The following PRIM2 variants were observed in gnomAD, a reference collection of about 807,000 sequenced individuals.
The protein encoded by PRIM2 is DNA primase subunit 2.
In PRIM2, 39 loss-of-function variants were observed where a neutral mutation model predicts 67.3. That is an observed-to-expected ratio of 0.58 (90% CI 0.45 to 0.76). The LOEUF is 0.76. Among genes scored for constraint, PRIM2 ranks in the 30% least tolerant of loss-of-function variants. The probability of loss-of-function intolerance (pLI) is 0.00; values close to 1 mark genes in which losing one functional copy is unlikely to be tolerated. For synonymous variants in PRIM2, 143 were observed against 198.7 expected (o/e 0.72, Z 2.36); for missense variants, 398 against 598.7 (o/e 0.66, Z 3.50).
intron 7 of PRIM2, among the ~76,000 whole-genome samples, chr6:57,412,424 T>C (rs1296786723): frequency 6.6e-6 from 1 of 152,150 alleles, no homozygotes; most frequent in Non-Finnish European, 1.5e-5. Flanking sequence ...TAAGCCTCTG[T>C]TTTTATTTAC....
chr6:57,443,422 T>A (rs1237771536), intron 7 of PRIM2, among the ~76,000 whole-genome samples: 2 of 152,192 alleles, frequency 1.3e-5, no homozygotes, highest in Admixed American at 1.3e-4. Flanking sequence ...TAATCCTTCA[T>A]CTTTTTGATA....
chr6:57,304,204 T>A, the PRIM2 span, among the ~76,000 whole-genome samples: 1 of 151,746 alleles, frequency 6.6e-6, no homozygotes, highest in East Asian at 1.9e-4. Context: ...TTTATGAAAC[T>A]TATAAAAATG....
chr6:57,507,519 T>C (rs1396738266), intron 8 of PRIM2, 65 bp downstream of exon 8: 1 of 1,448,724 alleles, frequency 6.9e-7, no homozygotes, highest in Non-Finnish European at 9.2e-7. Flanking sequence ...ATAAAGTATA[T>C]TAAAGTGGTG....
At chr6:57,368,651 G>C (rs1226470800) in intron 5 of PRIM2, among the ~76,000 whole-genome samples, 1 of 152,086 alleles carries the variant, frequency 6.6e-6, no homozygotes, top group Non-Finnish European at 1.5e-5. Context: ...TTGGGGATGG[G>C]TATGGCATGT....
chr6:57,269,144 T>C, the PRIM2 span, among the ~76,000 whole-genome samples: 1 of 152,078 alleles, frequency 6.6e-6, no homozygotes, highest in East Asian at 1.9e-4. Context: ...TTTGGGTATA[T>C]ACCCAGTAAT....
chr6:57,279,279 CT>C, the PRIM2 span, among the ~76,000 whole-genome samples: 1 of 152,096 alleles, frequency 6.6e-6, no homozygotes, highest in Non-Finnish European at 1.5e-5. Flanking sequence ...CTGCTTTTTT[CT>C]TTTTTTAACT....
At chr6:57,435,439 C>A (rs1216592170) in intron 7 of PRIM2, among the ~76,000 whole-genome samples, 1 of 152,176 alleles carries the variant, frequency 6.6e-6, no homozygotes, top group East Asian at 1.9e-4. Flanking sequence ...TTTTAACCCC[C>A]AGCCAAAACT....
chr6:57,344,625 C>T (rs1423825754), intron 5 of PRIM2, among the ~76,000 whole-genome samples: 10 of 152,210 alleles, frequency 6.6e-5, no homozygotes, highest in Admixed American at 6.5e-4. Flanking sequence ...ATTATGGAAG[C>T]CAACCTGGTA....
Position 57,382,153 on chromosome 6 carries a change from G to A in PRIM2, c.678G>A (p.Leu226=). 1 of 1,613,060 alleles carries A rather than the reference G, an allele frequency of 6.2e-7. No individual in the cohort carries two copies. Among genetic ancestry groups the A allele is most frequent in the Non-Finnish European group, 8.5e-7 (1 of 1,179,358 alleles). Residue 226 remains leucine (L), a synonymous_variant, in exon 7 of 14, where the codon CTG becomes CTA. Coordinates refer to ENST00000615550, the MANE Select transcript of PRIM2 (RefSeq NM_000947.5). ...AIILNEFRAK[L]SKALALTARS... ...TCCTGAATGAATTTAGAGCCAAACT[G>A]TCCAAGGCTTTGGCAGTGAGTATTT...
rs1260097761 is a variant in PRIM2, at chr6:57,554,792, T to C, written c.1020+17167T>C. ...TGCTACTTCATGGTTTTTTCCTTCA[T>C]ATTTAAATCTTGCTGTTGTCGTAAA... On this transcript the variant is annotated intron_variant, in intron 10 of 13. Transcript: ENST00000615550. 1.8e-4 allele frequency among the ~76,000 whole-genome samples: 28 copies of C among 152,366 alleles called. No homozygotes were observed. The South Asian group carries it at 3.7e-3, about 20-fold the overall frequency.
intron 10 of PRIM2, among the ~76,000 whole-genome samples, chr6:57,571,660 C>A (rs1376855956): frequency 6.7e-6 from 1 of 149,558 alleles, no homozygotes; most frequent in Non-Finnish European, 1.5e-5. Flanking sequence ...AAAAAGAAAC[C>A]AAAACAAAAC....
At chr6:57,289,005 CT>C in the PRIM2 span, among the ~76,000 whole-genome samples, 1 of 152,100 alleles carries the variant, frequency 6.6e-6, no homozygotes, top group Non-Finnish European at 1.5e-5. Context: ...ACAAACTTCT[CT>C]GAGCTAAAGG....
intron 7 of PRIM2, among the ~76,000 whole-genome samples, chr6:57,446,298 T>G (rs1172992545): frequency 6.6e-6 from 1 of 151,494 alleles, no homozygotes; most frequent in Non-Finnish European, 1.5e-5. Flanking sequence ...TGTTTTTTTT[T>G]TTTTTAGAAG....
At chr6:57,526,732 G>A (rs1554349449) in intron 8 of PRIM2, among the ~76,000 whole-genome samples, 190 of 152,128 alleles carry the variant, frequency 1.2e-3, no homozygotes, top group African/African-American at 4.2e-3. Context: ...AAATAAAGCT[G>A]TGAGTATTTT....
the PRIM2 span, among the ~76,000 whole-genome samples, chr6:57,266,812 T>G: frequency 6.6e-6 from 1 of 152,206 alleles, no homozygotes; most frequent in Non-Finnish European, 1.5e-5. Flanking sequence ...GGAACCGATC[T>G]CTTTTAGCTC....
At chr6:57,256,714 TCACACA>T in the PRIM2 span, among the ~76,000 whole-genome samples, 25 of 134,484 alleles carry the variant, frequency 1.9e-4, no homozygotes, top group Admixed American at 4.3e-4. Flanking sequence ...TCTCTCACTT[TCACACA>T]CACACACACA....
chr6:57,496,865 AG>A (rs1774015807), intron 7 of PRIM2, among the ~76,000 whole-genome samples: 1 of 152,214 alleles, frequency 6.6e-6, no homozygotes, highest in Non-Finnish European at 1.5e-5. Context: ...CTCTCTGAAC[AG>A]TGGTAGTCAC....
At chr6:57,484,686 G>A (rs1306128380) in intron 7 of PRIM2, among the ~76,000 whole-genome samples, 18 of 152,218 alleles carry the variant, frequency 1.2e-4, no homozygotes, top group Middle Eastern at 3.4e-3. Context: ...CCAAATACAG[G>A]TGCTTTAGGC....
intron 5 of PRIM2, among the ~76,000 whole-genome samples, chr6:57,373,206 A>T (rs1165968050): frequency 6.6e-6 from 1 of 151,038 alleles, no homozygotes; most frequent in Non-Finnish European, 1.5e-5. Context: ...CATTTGTCTA[A>T]TGATCACTGA....
Sources: allele counts gnomAD v4.1 joint callset (sites outside exome capture counted in the v4.1 genomes callset), GRCh38; gene constraint gnomAD v4.1.1; transcripts MANE v1.5; gene names NCBI Gene and HGNC (gene_info 2026-07-23, HGNC 2026-07-21).